Variants in HERC2 observed in about 807,000 individuals in gnomAD.
The protein encoded by HERC2 is HECT and RLD domain containing E3 ubiquitin protein ligase 2.
In HERC2, 102 loss-of-function variants were observed where a neutral mutation model predicts 537.7. The observed-to-expected ratio is 0.19, with a 90% CI of 0.16 to 0.22. The LOEUF is 0.22. Among genes scored for constraint, HERC2 ranks in the 10% least tolerant of loss-of-function variants. HERC2 has a pLI of 1.00. For missense variants in HERC2, 4,236 were observed against 6,198.2 expected (o/e 0.68, Z 10.63); for synonymous variants, 2,224 against 2,466.2 (o/e 0.90, Z 2.91).
chr15:28,317,406 A>C (rs371346550), intron 2 of HERC2, among the ~76,000 whole-genome samples: 1 of 152,212 alleles, frequency 6.6e-6, no homozygotes, highest in African/African-American at 2.4e-5. Flanking sequence ...CAATATTTAT[A>C]TACAATAAGC....
At chr15:28,272,619 A>C (rs115906603) in intron 8 of HERC2, among the ~76,000 whole-genome samples, 3,307 of 152,232 alleles carry the variant, frequency 0.022, 125 homozygotes, top group African/African-American at 0.075. Context: ...GAGCACATTT[A>C]CATGAAAGTT....
At chr15:28,126,250 A>T (rs1385002347) in intron 83 of HERC2, among the ~76,000 whole-genome samples, 1 of 152,214 alleles carries the variant, frequency 6.6e-6, no homozygotes, top group Non-Finnish European at 1.5e-5. Flanking sequence ...GGCGATAAAA[A>T]CTAACAACAA....
chr15:28,319,523 T>C (rs2077176866), intron 2 of HERC2, among the ~76,000 whole-genome samples: 1 of 143,282 alleles, frequency 7.0e-6, no homozygotes, highest in South Asian at 2.2e-4. Flanking sequence ...AGGCGGAAGT[T>C]GCAGTGAGCC....
Position 28,268,545 on chromosome 15 carries a change from G to C in HERC2, c.1518C>G (p.His506Gln). ...CTCCAGTAGCAGCCAAGGCTAGGTA[G>C]TGGTGACCATCAGAATGGGCAGCAA... ...VKIAAHSDGH[H>Q]YLALAATGEV... Residue 506 changes from histidine to glutamine, a missense_variant, in exon 12 of 93, where the codon CAC (histidine) becomes CAG (glutamine). By Grantham distance (24) the His-to-Gln change is conservative. This residue lies in a region of HERC2 where 754 missense variants were observed against 1,085.0 expected (regional missense o/e 0.69). Coordinates refer to ENST00000261609, the MANE Select transcript of HERC2 (RefSeq NM_004667.6). The surrounding 1 kb of genome is among the most constrained non-coding windows in gnomAD (Gnocchi z 4.7). 6.2e-7 allele frequency: 1 copy of C among 1,614,156 alleles called. No individual in the cohort carries two copies. Among genetic ancestry groups the C allele is most frequent in the Non-Finnish European group, 8.5e-7 (1 of 1,179,948 alleles).
At chr15:28,311,560 T>C (rs569691431) in intron 2 of HERC2, among the ~76,000 whole-genome samples, 213 of 152,138 alleles carry the variant, frequency 1.4e-3, no homozygotes, top group African/African-American at 4.8e-3. Context: ...GAGAATTAGT[T>C]CCGTTTTAAC....
intron 4 of HERC2, among the ~76,000 whole-genome samples, chr15:28,285,331 A>C (rs1009611180): frequency 6.6e-6 from 1 of 152,240 alleles, no homozygotes; most frequent in African/African-American, 2.4e-5. Context: ...TGAAATTAAA[A>C]TCACACAGCA....
Position 28,230,454 on chromosome 15 carries a change from G to A in HERC2, c.4722C>T (p.Asn1574=), listed in dbSNP as rs141145226. The A allele has an allele frequency of 7.5e-5, 106 of 1,415,604 alleles. No homozygotes were observed. The highest frequency in any genetic ancestry group is 9.8e-5 in the Non-Finnish European group (100 of 1,016,674). 87.7% of individuals were successfully genotyped at this position (1,415,604 alleles called of 1,614,324 possible). Residue 1574 remains asparagine (N), a synonymous_variant, in exon 31 of 93, where the codon AAC becomes AAT. Transcript: ENST00000261609. ...ESTDDEEKIG[N]EESDLEEACI... is the part of the protein sequence containing the mutation. ...AAGCTTCTTCTAAATCACTCTCTTC[G>A]TTTCCAATTTTTTCTTCATCATCCG...
chr15:28,137,668 C>G (rs1388463625), intron 78 of HERC2, among the ~76,000 whole-genome samples: 1 of 152,176 alleles, frequency 6.6e-6, no homozygotes, highest in African/African-American at 2.4e-5. Context: ...ACCAGCTGTT[C>G]TCCCATCTCT....
intron 83 of HERC2, among the ~76,000 whole-genome samples, chr15:28,126,187 T>C (rs528682119): frequency 6.6e-6 from 1 of 152,308 alleles, no homozygotes; most frequent in South Asian, 2.1e-4. Context: ...ACACTTATAC[T>C]GCTGGTGGGA....
At chr15:28,245,854 C>G (rs772054993) in intron 23 of HERC2, 27 bp downstream of exon 23, 7 of 1,589,898 alleles carry the variant, frequency 4.4e-6, no homozygotes, top group Non-Finnish European at 6.0e-6. Context: ...AAACTTTCCT[C>G]AGTAAAACTC....
intron 2 of HERC2, among the ~76,000 whole-genome samples, chr15:28,317,097 A>T (rs932500605): frequency 1.8e-4 from 25 of 139,048 alleles, no homozygotes; most frequent in Non-Finnish European, 3.0e-4. Context: ...TGAAGTGACA[A>T]TTTTTTTTTT....
At chr15:28,305,663 C>T (rs12397548) in intron 2 of HERC2, among the ~76,000 whole-genome samples, 1 of 121,566 alleles carries the variant, frequency 8.2e-6, no homozygotes, top group Admixed American at 8.9e-5. Flanking sequence ...GCAACAAAAG[C>T]CAAAATTGAC....
chr15:28,132,359 C>T (rs1890196062), intron 80 of HERC2, 98 bp from the exon 81 acceptor site: 15 of 1,175,976 alleles, frequency 1.3e-5, no homozygotes, highest in South Asian at 5.0e-5. Context: ...TATGGGGGTA[C>T]CTGTTTTAAG....
rs774821054 is a variant in HERC2 at position 28,254,434 on chromosome 15, T to C, written c.2956A>G (p.Thr986Ala). The C allele has an allele frequency of 3.1e-6, 5 of 1,608,508 alleles. No individual in the cohort carries two copies. In the South Asian group the frequency reaches 5.6e-5, roughly 18 times the overall value. ...TTAATAAGGTCTTTATCCAGTGGAG[T>C]CCTGCTTCTATGAAATGTTGAGGCA... ...ANASTFHRSR[T>A]PLDKDLINTG... The change falls in exon 20 of 93, where the codon ACT (threonine) becomes GCT (alanine). Residue 986 changes from threonine to alanine, a missense_variant. Physicochemically the swap from Thr to Ala is moderately conservative, Grantham distance 58. Transcript: ENST00000261609.
rs111229832 is a variant in HERC2 at position 28,272,039 on chromosome 15, G to A, written c.1083+176C>T. ...CAAGGAAGTCAGTGCTCACTGATCC[G>A]AGTCTTCTCCACAAACAAGTGACCT... On this transcript the variant is annotated intron_variant, in intron 9 of 92. Coordinates refer to ENST00000261609, the MANE Select transcript of HERC2 (RefSeq NM_004667.6). 1.0e-3 allele frequency: 605 copies of A among 599,796 alleles called. 1 individual carries two copies. Among genetic ancestry groups the A allele is most frequent in the African/African-American group, 0.01 (537 of 53,538 alleles). The allele number at this position is 599,796 out of a possible 1,614,324, so 37.2% of individuals were successfully genotyped here.
intron 4 of HERC2, among the ~76,000 whole-genome samples, chr15:28,282,673 G>C (rs1205808341): frequency 6.6e-6 from 1 of 152,144 alleles, no homozygotes; most frequent in African/African-American, 2.4e-5. Flanking sequence ...GTGGCTCACA[G>C]CTGTAATCCC....
At chr15:28,128,472 A>C (rs924428871) in intron 83 of HERC2, among the ~76,000 whole-genome samples, 1 of 152,210 alleles carries the variant, frequency 6.6e-6, no homozygotes, top group African/African-American at 2.4e-5. Flanking sequence ...AGAATTAAAT[A>C]AGTCAAATAA....
At chr15:28,148,585 G>A (rs992981522) in intron 70 of HERC2, among the ~76,000 whole-genome samples, 48 of 149,490 alleles carry the variant, frequency 3.2e-4, no homozygotes, top group African/African-American at 1.1e-3. Context: ...GAGAACGGCC[G>A]CATGAACGTA....
rs757706883 is a variant in HERC2 at position 28,176,752 on chromosome 15, C to T, written c.9449G>A (p.Gly3150Asp). The change falls in exon 62 of 93, where the codon GGT (glycine) becomes GAT (aspartate). Residue 3150 changes from glycine (G) to aspartate (D), a missense_variant. Gly to Asp is a moderately conservative substitution (Grantham distance 94). This residue lies in a region of HERC2 where 606 missense variants were observed against 884.5 expected (regional missense o/e 0.69). Coordinates refer to ENST00000261609, the MANE Select transcript of HERC2 (RefSeq NM_004667.6). This position sits in a 1 kb window ranked among gnomAD's most constrained non-coding sequence, Gnocchi z 5.0. ...ACATGCAACCTGGATTACTCTGTGA[C>T]CGAGAAGGACTTTCACCTACTCAAT... is the stretch of plus-strand genomic sequence containing the variant. ...LKPKMVKVLL[G>D]HRVIQVACGS... The T allele has an allele frequency of 6.2e-7, 1 of 1,613,996 alleles. No homozygotes were observed. Among genetic ancestry groups the T allele is most frequent in the Non-Finnish European group, 8.5e-7 (1 of 1,179,972 alleles).
Sources: gnomAD v4.1 joint callset for allele counts (sites outside exome capture counted in the v4.1 genomes callset) on GRCh38, gnomAD v4.1.1 for gene constraint, gnomAD v4.1.1 regional missense constraint, Gnocchi (gnomAD v3.1) non-coding constraint, MANE v1.5 for transcripts, NCBI Gene and HGNC (gene_info 2026-07-23, HGNC 2026-07-21) for gene names.